Variants in RBMS3 observed in about 807,000 individuals in gnomAD.
RBMS3 encodes RNA-binding motif, single-stranded-interacting protein 3.
In RBMS3, 27 loss-of-function variants were observed where a neutral mutation model predicts 66.8. That is an observed-to-expected ratio of 0.40 (90% CI 0.30 to 0.56). The LOEUF (loss-of-function observed/expected upper bound fraction) is 0.56. Among genes scored for constraint, RBMS3 ranks in the 20% least tolerant of loss-of-function variants. The probability of loss-of-function intolerance (pLI) is 0.40; values close to 1 mark genes in which losing one functional copy is unlikely to be tolerated. For missense variants in RBMS3, 513 were observed against 549.5 expected (o/e 0.93, Z 0.66); for synonymous variants, 188 against 183.0 (o/e 1.03, Z -0.22).
intron 6 of RBMS3, among the ~76,000 whole-genome samples, chr3:29,774,705 G>A (rs1431652661): frequency 6.6e-6 from 1 of 151,940 alleles, no homozygotes; most frequent in Non-Finnish European, 1.5e-5. Flanking sequence ...AATGTAAAGT[G>A]GAGTTTTCCA....
chr3:29,780,314 G>T (rs553197018), intron 6 of RBMS3, among the ~76,000 whole-genome samples: 12 of 103,600 alleles, frequency 1.2e-4, no homozygotes, highest in Non-Finnish European at 2.5e-4. Context: ...TATTCAGTCA[G>T]ATAACAAAAA....
chr3:29,817,339 G>A (rs913778535), intron 6 of RBMS3, among the ~76,000 whole-genome samples: 6 of 151,848 alleles, frequency 4.0e-5, no homozygotes, highest in African/African-American at 1.5e-4. Flanking sequence ...GAGTAACTGG[G>A]ATTACAGGCG....
At chr3:29,454,874 TTAG>T (rs2042129337) in intron 2 of RBMS3, among the ~76,000 whole-genome samples, 1 of 152,206 alleles carries the variant, frequency 6.6e-6, no homozygotes, top group African/African-American at 2.4e-5. Context: ...AAAAATTCTA[TTAG>T]TAGTTTAATG....
At chr3:29,317,322 C>G (rs2034740976) in intron 1 of RBMS3, among the ~76,000 whole-genome samples, 1 of 151,604 alleles carries the variant, frequency 6.6e-6, no homozygotes, top group Non-Finnish European at 1.5e-5. Flanking sequence ...TTTTCTATGT[C>G]CAGATAGGAT....
chr3:29,347,920 A>C (rs1306223729), intron 1 of RBMS3, among the ~76,000 whole-genome samples: 1 of 152,234 alleles, frequency 6.6e-6, no homozygotes, highest in Non-Finnish European at 1.5e-5. Flanking sequence ...ATTCACATTA[A>C]TATACTCAAT....
At position 29,587,244 on chromosome 3, in the gene RBMS3, T is replaced by G. The variant is rs748517304; in HGVS notation, c.399+39T>G. ...TTAGGGGTGTTTTTTTTTTTTTTTT[T>G]TTTTTGTGTGTGTGTGTGTGTGTGT... On this transcript the variant is annotated intron_variant, in intron 4 of 14. Coordinates refer to ENST00000383767, the MANE Select transcript of RBMS3 (RefSeq NM_001003793.3). The G allele has an allele frequency of 6.7e-4, 562 of 840,772 alleles. 4 individuals carry two copies. In the African/African-American group the frequency reaches 0.011, roughly 17 times the overall value. The allele number at this position is 840,772 out of a possible 1,614,324, so 52.1% of individuals were successfully genotyped here. A position where few individuals can be genotyped will look rare whatever the true frequency, so the allele number is the denominator to read the frequency against.
At chr3:29,961,203 G>A (rs948728687) in intron 12 of RBMS3, among the ~76,000 whole-genome samples, 3 of 152,112 alleles carry the variant, frequency 2.0e-5, no homozygotes, top group African/African-American at 7.2e-5. Flanking sequence ...GGGGCAAAAT[G>A]CCTCCAGTCT....
chr3:29,948,579 A>C (rs2122220), intron 12 of RBMS3, among the ~76,000 whole-genome samples: 2 of 151,920 alleles, frequency 1.3e-5, no homozygotes, highest in East Asian at 1.9e-4. Context: ...TTAATTAAAA[A>C]TTAAGTTCAT....
At chr3:29,786,195 A>G (rs1172100881) in intron 6 of RBMS3, among the ~76,000 whole-genome samples, 1 of 152,118 alleles carries the variant, frequency 6.6e-6, no homozygotes, top group East Asian at 1.9e-4. Context: ...TAGACAACAC[A>G]AACAAATGGA....
At chr3:29,995,665 C>G (rs1699180090) in intron 14 of RBMS3, among the ~76,000 whole-genome samples, 1 of 152,060 alleles carries the variant, frequency 6.6e-6, no homozygotes, top group Non-Finnish European at 1.5e-5. Flanking sequence ...TCCAGCCAAA[C>G]TAAGCTTCAT....
In RBMS3 at chr3:29,596,026, A is replaced by G. The variant is rs1442809195; in HGVS notation, c.399+8821A>G. On this transcript the variant is annotated intron_variant, in intron 4 of 14. Transcript: ENST00000383767. Reference sequence around the variant, plus strand: ...TGAGTTATTATTTCTCCCATTTGGAAGTATTATGTAAGTGGACAAGTAAGA... The same window carrying G: ...TGAGTTATTATTTCTCCCATTTGGAGGTATTATGTAAGTGGACAAGTAAGA... 2.6e-5 allele frequency among the ~76,000 whole-genome samples: 4 copies of G among 152,290 alleles called. No individual in the cohort carries two copies. In the East Asian group the frequency reaches 7.7e-4, roughly 29 times the overall value.
At chr3:29,316,170 G>A (rs531084144) in intron 1 of RBMS3, among the ~76,000 whole-genome samples, 1 of 151,830 alleles carries the variant, frequency 6.6e-6, no homozygotes, top group South Asian at 2.1e-4. Context: ...TGGTATGAAT[G>A]TGCCAGATAT....
intron 4 of RBMS3, among the ~76,000 whole-genome samples, chr3:29,705,182 A>G (rs1239292681): frequency 6.6e-6 from 1 of 152,184 alleles, no homozygotes; most frequent in Non-Finnish European, 1.5e-5. Context: ...CAGGGTAAGG[A>G]GTTGAAAGAC....
At chr3:29,463,852 G>A (rs1228129414) in intron 2 of RBMS3, among the ~76,000 whole-genome samples, 1 of 152,036 alleles carries the variant, frequency 6.6e-6, no homozygotes, top group Non-Finnish European at 1.5e-5. Flanking sequence ...GTGGAAATAG[G>A]TAAACACAAT....
At chr3:29,874,704 C>T (rs551553639) in intron 7 of RBMS3, among the ~76,000 whole-genome samples, 1 of 152,246 alleles carries the variant, frequency 6.6e-6, no homozygotes, top group African/African-American at 2.4e-5. Flanking sequence ...AGAGAGCAAG[C>T]TCAAGGTTAA....
intron 14 of RBMS3, among the ~76,000 whole-genome samples, chr3:30,002,533 C>A (rs756350018): frequency 2.0e-5 from 3 of 152,020 alleles, no homozygotes; most frequent in Admixed American, 1.3e-4. Context: ...GTTCCCATGA[C>A]TACCACTAAT....
chr3:29,861,003 A>T (rs2059200231), intron 6 of RBMS3, among the ~76,000 whole-genome samples: 1 of 152,144 alleles, frequency 6.6e-6, no homozygotes, highest in Admixed American at 6.5e-5. Context: ...AGCTGCAACT[A>T]CAGGCGCCCG....
chr3:30,001,518 A>T (rs1489180618), intron 14 of RBMS3, among the ~76,000 whole-genome samples: 2 of 151,844 alleles, frequency 1.3e-5, no homozygotes, highest in African/African-American at 4.8e-5. Context: ...CCTCATCTCA[A>T]CCCTGGTATT....
chr3:29,744,729 AGC>A (rs1288376856), intron 5 of RBMS3, among the ~76,000 whole-genome samples: 1 of 151,168 alleles, frequency 6.6e-6, no homozygotes, highest in African/African-American at 2.4e-5. Context: ...GGTTGCAGTG[AGC>A]TGAGATCACA....
Sources: gnomAD v4.1 joint callset for allele counts (sites outside exome capture counted in the v4.1 genomes callset) on GRCh38, gnomAD v4.1.1 for gene constraint, MANE v1.5 for transcripts, NCBI Gene and HGNC (gene_info 2026-07-23, HGNC 2026-07-21) for gene names.